TSHZ2: variants seen among roughly 807,000 people sequenced by gnomAD.
TSHZ2 encodes the protein teashirt zinc finger homeobox 2.
TSHZ2 carries 21 observed loss-of-function variants against 74.4 expected under a neutral mutation model. The observed-to-expected ratio is 0.28, with a 90% CI of 0.20 to 0.41. TSHZ2 has a LOEUF of 0.41. Among genes scored for constraint, TSHZ2 ranks in the 10% least tolerant of loss-of-function variants. The probability of loss-of-function intolerance (pLI) is 1.00; values close to 1 mark genes in which losing one functional copy is unlikely to be tolerated. For synonymous variants in TSHZ2, 540 were observed against 515.3 expected (o/e 1.05, Z -0.65); for missense variants, 1,244 against 1,293.5 (o/e 0.96, Z 0.59).
rs531034710 is a variant in TSHZ2 at position 53,324,184 on chromosome 20, G to A, written c.*8+67613G>A. 1.2e-4 allele frequency among the ~76,000 whole-genome samples: 19 copies of A among 152,170 alleles called. 2 individuals carry two copies. The South Asian group carries it at 3.3e-3, about 27-fold the overall frequency. ...CACTCACAGGAATGGTTCCAGTGGC[G>A]GGATGCTCGGGTCCTAAGATAGAGA... On this transcript the variant is annotated intron_variant, in intron 2 of 2. Transcript: ENST00000371497.
chr20:53,308,998 C>T (rs1254481239), intron 2 of TSHZ2, among the ~76,000 whole-genome samples: 1 of 152,182 alleles, frequency 6.6e-6, no homozygotes. Context: ...GGGCAAAAGA[C>T]TGAAGGCCAT....
intron 2 of TSHZ2, among the ~76,000 whole-genome samples, chr20:53,436,133 G>A (rs1011771220): frequency 6.8e-6 from 1 of 147,614 alleles, no homozygotes; most frequent in Non-Finnish European, 1.5e-5. Flanking sequence ...CTATGGCTGG[G>A]CTGTTTTTTG....
At chr20:53,476,153 T>C (rs530154099) in intron 2 of TSHZ2, among the ~76,000 whole-genome samples, 1 of 146,762 alleles carries the variant, frequency 6.8e-6, no homozygotes, top group Non-Finnish European at 1.5e-5. Flanking sequence ...TCCCTAACTC[T>C]TTTTATGAGG....
intron 2 of TSHZ2, among the ~76,000 whole-genome samples, chr20:53,473,235 C>G (rs1280062373): frequency 6.9e-6 from 1 of 144,534 alleles, no homozygotes; most frequent in Non-Finnish European, 1.5e-5. Flanking sequence ...CAGCAGTAAC[C>G]TCTGCAGACT....
At chr20:52,977,371 G>A (rs1981381305) in intron 1 of TSHZ2, among the ~76,000 whole-genome samples, 1 of 149,210 alleles carries the variant, frequency 6.7e-6, no homozygotes, top group Non-Finnish European at 1.5e-5. Flanking sequence ...CTCACGCGAT[G>A]GATTCCTTCA....
chr20:53,466,894 G>T (rs1172012474), intron 2 of TSHZ2, among the ~76,000 whole-genome samples: 1 of 152,162 alleles, frequency 6.6e-6, no homozygotes, highest in African/African-American at 2.4e-5. Flanking sequence ...TGAGCAATGT[G>T]CCTTTGGAAG....
intron 1 of TSHZ2, among the ~76,000 whole-genome samples, chr20:53,151,743 A>T (rs751865162): frequency 5.9e-5 from 9 of 152,174 alleles, no homozygotes; most frequent in Non-Finnish European, 1.3e-4. Flanking sequence ...GGTAAATGTT[A>T]CTATCACCTC....
chr20:53,017,229 C>G (rs1360896369), intron 1 of TSHZ2, among the ~76,000 whole-genome samples: 1 of 152,134 alleles, frequency 6.6e-6, no homozygotes, highest in African/African-American at 2.4e-5. Context: ...TGAAATGAGG[C>G]TCAGGGTAAT....
At chr20:53,447,017 A>G (rs1030710220) in intron 2 of TSHZ2, among the ~76,000 whole-genome samples, 9 of 150,150 alleles carry the variant, frequency 6.0e-5, no homozygotes, top group African/African-American at 1.9e-4. Flanking sequence ...TTGCCACAGC[A>G]TGGAGCATGT....
chr20:53,376,624 T>G (rs1981665916), intron 2 of TSHZ2, among the ~76,000 whole-genome samples: 1 of 152,204 alleles, frequency 6.6e-6, no homozygotes, highest in Non-Finnish European at 1.5e-5. Context: ...AGCCTTTACT[T>G]CCAGTTGGAT....
chr20:53,377,845 A>G (rs1350566395), intron 2 of TSHZ2, among the ~76,000 whole-genome samples: 1 of 152,174 alleles, frequency 6.6e-6, no homozygotes, highest in Non-Finnish European at 1.5e-5. Context: ...CCTGGGTGAC[A>G]GAGTGAGACC....
chr20:53,122,809 T>A (rs1279056470), intron 1 of TSHZ2, among the ~76,000 whole-genome samples: 1 of 152,188 alleles, frequency 6.6e-6, no homozygotes, highest in Non-Finnish European at 1.5e-5. Flanking sequence ...CCAGCCAAAG[T>A]GGACTCTCTT....
intron 2 of TSHZ2, among the ~76,000 whole-genome samples, chr20:53,260,376 A>ATTCATAAT (rs1990579208): frequency 6.6e-6 from 1 of 152,218 alleles, no homozygotes; most frequent in African/African-American, 2.4e-5. Context: ...TCTGAGCCTC[A>ATTCATAAT]CTCATTCATT....
At chr20:53,195,724 C>T (rs1988846542) in intron 1 of TSHZ2, among the ~76,000 whole-genome samples, 1 of 152,158 alleles carries the variant, frequency 6.6e-6, no homozygotes, top group East Asian at 1.9e-4. Flanking sequence ...GGAAAGAGCA[C>T]AAGGATCTTT....
chr20:53,447,566 C>T lies in TSHZ2; in HGVS notation c.*9-39578C>T, dbSNP rs116082658. Among the ~76,000 whole-genome samples, 1,463 of 152,332 alleles carry T rather than the reference C, an allele frequency of 9.6e-3. 15 individuals are homozygous for T. Among genetic ancestry groups the T allele is most frequent in the Admixed American group, 0.018 (278 of 15,302 alleles). ...TCTGAATTTTATCCAAACGTCCTTACGCTGTTTCAGGACCTAACTTGGGCT... is the reference window on the plus strand; with the variant it reads ...TCTGAATTTTATCCAAACGTCCTTATGCTGTTTCAGGACCTAACTTGGGCT... On this transcript the variant is annotated intron_variant, in intron 2 of 2. Coordinates refer to ENST00000371497, the MANE Select transcript of TSHZ2 (RefSeq NM_173485.6).
At chr20:53,190,447 GC>G (rs1988712587) in intron 1 of TSHZ2, among the ~76,000 whole-genome samples, 1 of 151,916 alleles carries the variant, frequency 6.6e-6, no homozygotes, top group Admixed American at 6.6e-5. Context: ...GGGCGAGGGT[GC>G]CTCTTGCTCC....
chr20:53,253,316 A>C (rs1201834358), intron 1 of TSHZ2, among the ~76,000 whole-genome samples, 183 bp from the exon 2 acceptor site: 2 of 151,972 alleles, frequency 1.3e-5, no homozygotes, highest in South Asian at 2.1e-4. Context: ...AAAAAAAAAA[A>C]AAAACACTAG....
In TSHZ2 at chr20:53,090,543, G is replaced by C. The variant is rs150361001; in HGVS notation, c.40+117210G>C. 3.1e-3 allele frequency among the ~76,000 whole-genome samples: 472 copies of C among 152,262 alleles called. 4 individuals are homozygous for C. The highest frequency in any genetic ancestry group is 0.011 in the African/African-American group (447 of 41,534). ...GAAAGATTTTAAGCAGCAGAATTCA[G>C]ACATGAACTTTGGCTGGGTTTGGAA... is the stretch of plus-strand genomic sequence containing the variant. On this transcript the variant is annotated intron_variant, in intron 1 of 2. Coordinates refer to ENST00000371497, the MANE Select transcript of TSHZ2 (RefSeq NM_173485.6).
At chr20:53,012,114 G>T (rs914516467) in intron 1 of TSHZ2, among the ~76,000 whole-genome samples, 1 of 152,178 alleles carries the variant, frequency 6.6e-6, no homozygotes, top group South Asian at 2.1e-4. Context: ...TACTCATACA[G>T]ATTTATACTT....
Sources: gnomAD v4.1 joint callset for allele counts (sites outside exome capture counted in the v4.1 genomes callset) on GRCh38, gnomAD v4.1.1 for gene constraint, MANE v1.5 for transcripts, NCBI Gene and HGNC (gene_info 2026-07-23, HGNC 2026-07-21) for gene names.